MACROD2: variants seen among roughly 807,000 people sequenced by gnomAD.
MACROD2 encodes the protein mono-ADP ribosylhydrolase 2, also known as ADP-ribose glycohydrolase MACROD2.
MACROD2 carries 36 observed loss-of-function variants against 70.4 expected under a neutral mutation model. That is an observed-to-expected ratio of 0.51 (90% confidence interval 0.39 to 0.68). The LOEUF (loss-of-function observed/expected upper bound fraction) is 0.68. Ranked by LOEUF, MACROD2 falls within the 30% of genes least tolerant of loss-of-function variation. MACROD2 has a pLI of 0.00. For synonymous variants in MACROD2, 172 were observed against 178.8 expected (o/e 0.96, Z 0.30); for missense variants, 496 against 538.4 (o/e 0.92, Z 0.78).
intron 10 of MACROD2, among the ~76,000 whole-genome samples, chr20:15,896,645 C>T (rs1052206380): frequency 5.3e-5 from 8 of 151,362 alleles, no homozygotes; most frequent in African/African-American, 1.9e-4. Context: ...AACATTATAA[C>T]CTTGAGTGAA....
chr20:14,341,115 A>G (rs967573690), intron 3 of MACROD2, among the ~76,000 whole-genome samples: 33 of 152,198 alleles, frequency 2.2e-4, no homozygotes, highest in African/African-American at 7.7e-4. Flanking sequence ...TCACACATTC[A>G]TTCATTCAGT....
chr20:15,212,870 T>C (rs891512590), intron 5 of MACROD2, among the ~76,000 whole-genome samples: 29 of 152,298 alleles, frequency 1.9e-4, no homozygotes, highest in African/African-American at 6.5e-4. Context: ...GCAAATCCTT[T>C]TTCTCCACCC....
At chr20:15,826,635 C>G (rs2063999981) in intron 8 of MACROD2, among the ~76,000 whole-genome samples, 1 of 152,080 alleles carries the variant, frequency 6.6e-6, no homozygotes, top group South Asian at 2.1e-4. Flanking sequence ...CACTCCTGAA[C>G]ACAAATTCTT....
At chr20:14,419,463 T>A (rs1359857604) in intron 3 of MACROD2, among the ~76,000 whole-genome samples, 1 of 152,224 alleles carries the variant, frequency 6.6e-6, no homozygotes, top group Non-Finnish European at 1.5e-5. Flanking sequence ...TCTTTCTACC[T>A]CCTCAGACTG....
At chr20:14,377,110 A>G (rs940305624) in intron 3 of MACROD2, among the ~76,000 whole-genome samples, 11 of 152,180 alleles carry the variant, frequency 7.2e-5, no homozygotes, top group Admixed American at 1.3e-4. Context: ...TTCTTTACCT[A>G]TATAATGCAG....
intron 2 of MACROD2, among the ~76,000 whole-genome samples, chr20:14,055,672 G>A (rs1386644746): frequency 1.3e-5 from 2 of 151,900 alleles, no homozygotes; most frequent in Admixed American, 6.6e-5. Flanking sequence ...CAAAGAGCAG[G>A]CATTCAACAT....
chr20:15,213,533 G>T (rs2076782150), intron 5 of MACROD2, among the ~76,000 whole-genome samples: 1 of 152,042 alleles, frequency 6.6e-6, no homozygotes, highest in Non-Finnish European at 1.5e-5. Flanking sequence ...AACTGTGACA[G>T]AGATTGAGTT....
rs2067458837 is a variant in MACROD2 at position 16,051,559 on chromosome 20, C to G, written c.*1683C>G. On this transcript the variant is annotated 3_prime_UTR_variant, in exon 18 of 18. Transcript: ENST00000684519. ...GTGACCTCATAATGTGGGATTATGG[C>G]CTTCTGTTGCTATTCCAGTTTGATA... is the stretch of plus-strand genomic sequence containing the variant. 1 of 152,088 alleles carries G rather than the reference C, an allele frequency of 6.6e-6. No individual in the cohort carries two copies. Among genetic ancestry groups the G allele is most frequent in the Non-Finnish European group, 1.5e-5 (1 of 68,012 alleles). The allele number at this position is 152,088 out of a possible 1,614,324, so 9.4% of individuals were successfully genotyped here. A position where few individuals can be genotyped will look rare whatever the true frequency, so the allele number is the denominator to read the frequency against.
At chr20:15,859,588 A>T (rs2064397170) in intron 8 of MACROD2, among the ~76,000 whole-genome samples, 1 of 152,208 alleles carries the variant, frequency 6.6e-6, no homozygotes, top group African/African-American at 2.4e-5. Context: ...GCACGCTTAT[A>T]ATAAATACAT....
At chr20:15,509,679 C>A (rs2047474003) in intron 8 of MACROD2, among the ~76,000 whole-genome samples, 1 of 152,136 alleles carries the variant, frequency 6.6e-6, no homozygotes, top group South Asian at 2.1e-4. Flanking sequence ...CCACTGTGTA[C>A]CCTCACTCCA....
At chr20:15,752,709 A>G (rs899790554) in intron 8 of MACROD2, among the ~76,000 whole-genome samples, 3 of 152,030 alleles carry the variant, frequency 2.0e-5, no homozygotes, top group African/African-American at 7.2e-5. Flanking sequence ...GTGATATTCC[A>G]TTTCGCTGGA....
At chr20:14,959,764 G>A (rs2074567671) in intron 5 of MACROD2, among the ~76,000 whole-genome samples, 1 of 152,186 alleles carries the variant, frequency 6.6e-6, no homozygotes, top group African/African-American at 2.4e-5. Context: ...CCATCTGCCT[G>A]GTTGGTTTTG....
intron 6 of MACROD2, among the ~76,000 whole-genome samples, chr20:15,249,572 C>G (rs1026770165): frequency 6.6e-6 from 1 of 152,074 alleles, no homozygotes; most frequent in Non-Finnish European, 1.5e-5. Flanking sequence ...GGCTCCATAG[C>G]AATTGCATGG....
At chr20:14,998,583 A>G (rs2074969261) in intron 5 of MACROD2, among the ~76,000 whole-genome samples, 1 of 152,148 alleles carries the variant, frequency 6.6e-6, no homozygotes. Context: ...GTCACAGGAG[A>G]CAAAAGGAAA....
chr20:14,307,564 T>C (rs866592807), intron 3 of MACROD2, among the ~76,000 whole-genome samples: 2 of 152,224 alleles, frequency 1.3e-5, no homozygotes. Flanking sequence ...TTGAGGTTAA[T>C]AAGTTAATGT....
chr20:15,617,205 C>T (rs2082133951), intron 8 of MACROD2, among the ~76,000 whole-genome samples: 1 of 151,998 alleles, frequency 6.6e-6, no homozygotes. Context: ...CGAATATATG[C>T]TGAGAGTCAG....
At chr20:15,274,775 A>C (rs925845541) in intron 6 of MACROD2, among the ~76,000 whole-genome samples, 1 of 152,218 alleles carries the variant, frequency 6.6e-6, no homozygotes, top group Non-Finnish European at 1.5e-5. Flanking sequence ...TCAAATAATC[A>C]CAGAAATAAA....
intron 6 of MACROD2, among the ~76,000 whole-genome samples, chr20:15,353,992 A>T (rs6135394): frequency 7.4e-6 from 1 of 135,860 alleles, no homozygotes; most frequent in Admixed American, 7.9e-5. Flanking sequence ...CAGCCATCCC[A>T]TTACTGGGTA....
intron 8 of MACROD2, among the ~76,000 whole-genome samples, chr20:15,750,887 G>T (rs1481316358): frequency 4.0e-5 from 6 of 151,774 alleles, no homozygotes; most frequent in African/African-American, 1.5e-4. Flanking sequence ...AACAAAAAAC[G>T]ACAACAACAG....
Sources: gnomAD v4.1 joint callset for allele counts (sites outside exome capture counted in the v4.1 genomes callset) on GRCh38, gnomAD v4.1.1 for gene constraint, MANE v1.5 for transcripts, NCBI Gene and HGNC (gene_info 2026-07-23, HGNC 2026-07-21) for gene names.